The following KDM3A variants were observed in gnomAD, a reference collection of about 807,000 sequenced individuals.
The protein encoded by KDM3A is lysine demethylase 3A.
A neutral mutation model predicts 158.0 loss-of-function variants in KDM3A; 60 were observed. The observed-to-expected ratio is 0.38, with a 90% confidence interval of 0.31 to 0.47. KDM3A has a LOEUF of 0.47. Ranked by LOEUF, KDM3A falls within the 20% of genes least tolerant of loss-of-function variation. The pLI is 0.99. For missense variants in KDM3A, 1,319 were observed against 1,574.3 expected (o/e 0.84, Z 2.74); for synonymous variants, 608 against 549.3 (o/e 1.11, Z -1.49).
chr2:86,439,123 TAA>T (rs1251919256), upstream of KDM3A, among the ~76,000 whole-genome samples: 3 of 152,008 alleles, frequency 2.0e-5, no homozygotes, highest in African/African-American at 4.8e-5. Context: ...GTATTGAATA[TAA>T]GTGTACACTT....
intron 1 of KDM3A, 76 bp from the exon 2 acceptor site, chr2:86,441,942 C>T (rs1682735476): frequency 4.1e-6 from 5 of 1,228,662 alleles, no homozygotes; most frequent in Admixed American, 2.1e-5. Context: ...CGCCCTCCGC[C>T]CGCCCTCCCT....
chr2:86,483,624 C>T (rs902081916), intron 18 of KDM3A: 1 of 158,118 alleles, frequency 6.3e-6, no homozygotes, highest in African/African-American at 2.4e-5. Context: ...ATAACAGGCT[C>T]AAGTACGGTG....
intron 4 of KDM3A, among the ~76,000 whole-genome samples, chr2:86,453,602 C>G (rs1558607752): frequency 6.6e-6 from 1 of 152,110 alleles, no homozygotes; most frequent in Non-Finnish European, 1.5e-5. Context: ...GCGGCTCTTT[C>G]CATTGATACA....
intron 4 of KDM3A, 87 bp downstream of exon 4, chr2:86,451,300 A>G (rs1672458099): frequency 1.2e-6 from 1 of 804,708 alleles, no homozygotes; most frequent in Non-Finnish European, 1.9e-6. Context: ...AACCTTAAAT[A>G]GTGTGGGTAT....
At chr2:86,474,179 A>G (rs1290229456) in intron 11 of KDM3A, among the ~76,000 whole-genome samples, 1 of 152,180 alleles carries the variant, frequency 6.6e-6, no homozygotes, top group East Asian at 1.9e-4. Flanking sequence ...TGGAGGCAGT[A>G]TGATTATATT....
intron 21 of KDM3A, 83 bp from the exon 22 acceptor site, chr2:86,489,235 C>G: frequency 1.4e-6 from 2 of 1,473,522 alleles, no homozygotes; most frequent in Non-Finnish European, 1.8e-6. Context: ...AATCAGGGAC[C>G]TACCATCCCC....
chr2:86,480,877 C>G (rs1342667102), intron 16 of KDM3A, among the ~76,000 whole-genome samples: 1 of 152,156 alleles, frequency 6.6e-6, no homozygotes, highest in Non-Finnish European at 1.5e-5. Flanking sequence ...CTGTTGTGGT[C>G]CAGGCCCTCT....
chr2:86,446,431 A>G (rs1682959781), intron 2 of KDM3A, among the ~76,000 whole-genome samples: 3 of 152,236 alleles, frequency 2.0e-5, no homozygotes. Flanking sequence ...GGCCAGGCGC[A>G]GTGGCTCATG....
chr2:86,466,262 C>A, intron 9 of KDM3A, 110 bp from the exon 10 acceptor site: 1 of 1,137,288 alleles, frequency 8.8e-7, no homozygotes, highest in Non-Finnish European at 1.2e-6. Context: ...GAGAAATTTT[C>A]TTTTTTCTTT....
intron 4 of KDM3A, among the ~76,000 whole-genome samples, chr2:86,454,169 G>A (rs1007768810): frequency 6.6e-6 from 1 of 152,190 alleles, no homozygotes; most frequent in Non-Finnish European, 1.5e-5. Flanking sequence ...TGTAATACTA[G>A]TTAGGTTAAA....
chr2:86,490,874 A>G lies in KDM3A; in HGVS notation c.3574-7A>G, dbSNP rs950768990. ...CTGAGTTGCATAATATTTTGAATGT[A>G]TTCTAGGTATCAGAAGAGCAAGGTC... On this transcript the variant is annotated splice_polypyrimidine_tract_variant and splice_region_variant and intron_variant, in intron 23 of 25. Coordinates refer to ENST00000312912, the MANE Select transcript of KDM3A (RefSeq NM_018433.6). The G allele has an allele frequency of 1.2e-6, 2 of 1,606,092 alleles. No homozygotes were observed. The highest frequency in any genetic ancestry group is 2.7e-5 in the African/African-American group (2 of 74,430).
chr2:86,471,113 C>T (rs1673378853), intron 11 of KDM3A, among the ~76,000 whole-genome samples: 1 of 152,032 alleles, frequency 6.6e-6, no homozygotes, highest in Non-Finnish European at 1.5e-5. Flanking sequence ...TTGACAACTG[C>T]AGGGTTTGAG....
At chr2:86,447,114 CAT>C (rs1242271424) in intron 2 of KDM3A, among the ~76,000 whole-genome samples, 1 of 152,142 alleles carries the variant, frequency 6.6e-6, no homozygotes, top group Non-Finnish European at 1.5e-5. Flanking sequence ...GCCTGACTGA[CAT>C]ATATGGTTTT....
chr2:86,466,601 C>G lies in KDM3A; in HGVS notation c.1237C>G (p.Leu413Val). ...GTCTGTTCCACAAGCATTGACTGGC[C>G]TTCCTAAGGAGTGCTTACCTACAAA... Reference protein sequence around the residue: ...LESVPQALTGLPKECLPTKAS... With the variant: ...LESVPQALTGVPKECLPTKAS... The change falls in exon 10 of 26, where the codon CTT (leucine) becomes GTT (valine). Residue 413 changes from leucine (L) to valine (V), a missense_variant. Transcript: ENST00000312912. 6.2e-7 allele frequency: 1 copy of G among 1,613,974 alleles called. No individual in the cohort carries two copies. Among genetic ancestry groups the G allele is most frequent in the Non-Finnish European group, 8.5e-7 (1 of 1,179,892 alleles).
In KDM3A at chr2:86,482,115, T is replaced by C. The variant is rs771751520; in HGVS notation, c.2685+13T>C. On this transcript the variant is annotated intron_variant, in intron 17 of 25. Coordinates refer to ENST00000312912, the MANE Select transcript of KDM3A (RefSeq NM_018433.6). ...TTCTACAGGAAAGGTATGTGTTTGT[T>C]TGTTGGTATTCCATGTTTTAAAGTT... The C allele has an allele frequency of 6.2e-6, 10 of 1,612,136 alleles. No individual in the cohort carries two copies. The highest frequency in any genetic ancestry group is 1.6e-4 in the Middle Eastern group (1 of 6,082).
chr2:86,492,025 C>T lies in KDM3A; in HGVS notation c.3886-14C>T, dbSNP rs1318208063. On this transcript the variant is annotated splice_polypyrimidine_tract_variant and intron_variant, in intron 25 of 25. Coordinates refer to ENST00000312912, the MANE Select transcript of KDM3A (RefSeq NM_018433.6). ...TAAATGTAAAATGCCCATATTTTCT[C>T]CTACTATTTTTAGGTGAAGAATGTT... 2.4e-5 allele frequency: 38 copies of T among 1,577,860 alleles called. No individual in the cohort carries two copies. The highest frequency in any genetic ancestry group is 3.3e-5 in the Non-Finnish European group (38 of 1,149,536).
At chr2:86,483,368 A>G (rs754763412) in intron 18 of KDM3A, 1 of 152,424 alleles carries the variant, frequency 6.6e-6, no homozygotes, top group African/African-American at 2.4e-5. Context: ...TAAATTTCCA[A>G]AATGTTTTTC....
At chr2:86,489,962 A>T (rs1378613027) in intron 23 of KDM3A, 1 of 245,762 alleles carries the variant, frequency 4.1e-6, no homozygotes, top group Non-Finnish European at 7.8e-6. Context: ...ATCTCCCAGC[A>T]TATATCTGTT....
chr2:86,489,102 C>T (rs927490127), intron 21 of KDM3A: 5 of 495,150 alleles, frequency 1.0e-5, no homozygotes, highest in Admixed American at 7.6e-5. Context: ...CTGCTTTAAC[C>T]ACTTCCATTT....
Sources: allele counts gnomAD v4.1 joint callset (sites outside exome capture counted in the v4.1 genomes callset), GRCh38; gene constraint gnomAD v4.1.1; transcripts MANE v1.5; gene names NCBI Gene and HGNC (gene_info 2026-07-23, HGNC 2026-07-21).